The following KLF12 variants were observed in gnomAD, a reference collection of about 807,000 sequenced individuals.
KLF12 encodes the protein KLF transcription factor 12.
In KLF12, 9 loss-of-function variants were observed where a neutral mutation model predicts 37.8. The ratio of observed to expected loss-of-function variants is 0.24; its 90% confidence interval spans 0.14 to 0.42. KLF12 has a LOEUF of 0.42. Among genes scored for constraint, KLF12 ranks in the 10% least tolerant of loss-of-function variants. The probability of loss-of-function intolerance (pLI) is 1.00; values close to 1 mark genes in which losing one functional copy is unlikely to be tolerated. For missense variants in KLF12, 411 were observed against 516.0 expected (o/e 0.80, Z 1.97); for synonymous variants, 208 against 202.1 (o/e 1.03, Z -0.25).
intron 1 of KLF12, among the ~76,000 whole-genome samples, chr13:74,132,578 A>C (rs1878322765): frequency 6.6e-6 from 1 of 152,192 alleles, no homozygotes; most frequent in African/African-American, 2.4e-5. Context: ...TGCTGACAAT[A>C]CTAACTACGC....
chr13:74,003,624 T>G (rs7320368), intron 1 of KLF12, among the ~76,000 whole-genome samples: 4,338 of 152,230 alleles, frequency 0.028, 210 homozygotes, highest in African/African-American at 0.099. Context: ...GACTAAGAAT[T>G]ATGTCATGTT....
chr13:73,844,070 A>C (rs1884887818), intron 4 of KLF12, among the ~76,000 whole-genome samples: 1 of 152,138 alleles, frequency 6.6e-6, no homozygotes, highest in South Asian at 2.1e-4. Context: ...AAATGGTATG[A>C]AAGATCATGA....
the KLF12 span, among the ~76,000 whole-genome samples, chr13:74,233,959 AATCTACCAAAAT>A: frequency 6.6e-6 from 1 of 152,214 alleles, no homozygotes; most frequent in Non-Finnish European, 1.5e-5. Flanking sequence ...CTTTGATATA[AATCTACCAAAAT>A]ATCTACAAGT....
chr13:73,710,507 G>C (rs1056321533), intron 7 of KLF12, among the ~76,000 whole-genome samples: 2 of 123,746 alleles, frequency 1.6e-5, no homozygotes, highest in Non-Finnish European at 3.4e-5. Context: ...TTGCATCTTT[G>C]TGTGATACTT....
intron 6 of KLF12, among the ~76,000 whole-genome samples, chr13:73,730,786 T>A (rs1054062347): frequency 1.3e-5 from 2 of 152,002 alleles, no homozygotes; most frequent in Non-Finnish European, 2.9e-5. Flanking sequence ...TACCAAATTG[T>A]CTAACAAACA....
At chr13:74,042,186 C>T (rs192958263) in intron 1 of KLF12, among the ~76,000 whole-genome samples, 1 of 151,894 alleles carries the variant, frequency 6.6e-6, no homozygotes, top group African/African-American at 2.4e-5. Flanking sequence ...CACCTGTAAT[C>T]CCAGCTACTC....
chr13:73,696,070 C>T (rs1593966962), intron 7 of KLF12, among the ~76,000 whole-genome samples: 1 of 150,470 alleles, frequency 6.6e-6, no homozygotes, highest in Admixed American at 6.6e-5. Context: ...TTTCAACACC[C>T]CCCCACGCTT....
intron 6 of KLF12, among the ~76,000 whole-genome samples, chr13:73,755,413 C>T (rs7322304): frequency 0.38 from 58,497 of 151,984 alleles, 13,059 homozygotes; most frequent in African/African-American, 0.61. Context: ...TATTGAACTG[C>T]AGTCCTACCT....
intron 4 of KLF12, among the ~76,000 whole-genome samples, chr13:73,814,655 T>C (rs149443627): frequency 1.8e-4 from 27 of 152,272 alleles, no homozygotes; most frequent in Non-Finnish European, 2.5e-4. Context: ...TAAAAGAAGA[T>C]AATTCAAATA....
chr13:74,235,242 G>A, the KLF12 span, among the ~76,000 whole-genome samples: 3,638 of 152,220 alleles, frequency 0.024, 139 homozygotes, highest in African/African-American at 0.081. Flanking sequence ...TTAAATTCAC[G>A]TTAACAAGTA....
chr13:74,197,250 G>A, the KLF12 span, among the ~76,000 whole-genome samples: 1 of 152,018 alleles, frequency 6.6e-6, no homozygotes, highest in Non-Finnish European at 1.5e-5. Context: ...TTCTTTTGAT[G>A]GTTATTTTGA....
upstream of KLF12, among the ~76,000 whole-genome samples, chr13:74,134,330 C>T (rs909889041): frequency 1.3e-5 from 2 of 151,792 alleles, no homozygotes; most frequent in Non-Finnish European, 1.5e-5. Flanking sequence ...TCAGCAGGCG[C>T]TAAGTCGCTT....
chr13:73,904,110 C>T (rs1888159829), intron 3 of KLF12, among the ~76,000 whole-genome samples: 1 of 152,254 alleles, frequency 6.6e-6, no homozygotes, highest in South Asian at 2.1e-4. Flanking sequence ...TTTGGGCAAA[C>T]CTCTGGAAAG....
At chr13:73,857,173 AT>A (rs1885655302) in intron 3 of KLF12, among the ~76,000 whole-genome samples, 1 of 152,170 alleles carries the variant, frequency 6.6e-6, no homozygotes, top group African/African-American at 2.4e-5. Flanking sequence ...TGTTTGAAAG[AT>A]TACATATATA....
chr13:73,860,061 T>C (rs1265616603), intron 3 of KLF12, among the ~76,000 whole-genome samples: 1 of 152,148 alleles, frequency 6.6e-6, no homozygotes, highest in Non-Finnish European at 1.5e-5. Flanking sequence ...GCAGTGTGGT[T>C]TTGTGAAAAG....
chr13:73,969,046 C>T (rs1327147911), intron 2 of KLF12, among the ~76,000 whole-genome samples: 2 of 142,852 alleles, frequency 1.4e-5, no homozygotes, highest in Non-Finnish European at 3.1e-5. Flanking sequence ...AAAAAAAAAA[C>T]CTATAGCAAT....
In KLF12 at chr13:74,040,759, C is replaced by T. The variant is rs561424942; in HGVS notation, c.-31-45706G>A. On this transcript the variant is annotated intron_variant, in intron 1 of 7. Transcript: ENST00000377669. ...GTCATACAAAACAGTATTCCCGAAG[C>T]TGAGGAAGTCAAAAATGTTCATAAC... 7.9e-5 allele frequency among the ~76,000 whole-genome samples: 12 copies of T among 152,328 alleles called. No homozygotes were observed. The South Asian group carries it at 2.3e-3, about 29-fold the overall frequency.
At chr13:74,033,552 C>T (rs1433474470) in intron 1 of KLF12, among the ~76,000 whole-genome samples, 2 of 152,166 alleles carry the variant, frequency 1.3e-5, no homozygotes, top group Non-Finnish European at 2.9e-5. Context: ...GACACAAATG[C>T]TATTTTGTAA....
At chr13:73,883,155 GCTATT>G (rs1463684545) in intron 3 of KLF12, among the ~76,000 whole-genome samples, 1 of 151,872 alleles carries the variant, frequency 6.6e-6, no homozygotes, top group Non-Finnish European at 1.5e-5. Context: ...TTTGTTGGTG[GCTATT>G]AAATAAAAGA....
Sources: allele counts gnomAD v4.1 joint callset (sites outside exome capture counted in the v4.1 genomes callset), GRCh38; gene constraint gnomAD v4.1.1; transcripts MANE v1.5; gene names NCBI Gene and HGNC (gene_info 2026-07-23, HGNC 2026-07-21).